The following ZSCAN25 variants were observed in gnomAD, a reference collection of about 807,000 sequenced individuals.
ZSCAN25 encodes the protein zinc finger and SCAN domain containing 25, also known as zinc finger and SCAN domain-containing protein 25.
ZSCAN25 carries 27 observed loss-of-function variants against 38.7 expected under a neutral mutation model. The observed-to-expected ratio is 0.70, with a 90% CI of 0.51 to 0.96. The LOEUF is 0.96. Ranked by LOEUF, ZSCAN25 falls within the 40% of genes least tolerant of loss-of-function variation. ZSCAN25 has a pLI of 0.00. For synonymous variants in ZSCAN25, 273 were observed against 277.7 expected, an observed-to-expected ratio of 0.98 and a Z score of 0.17; for missense variants, 637 against 705.9, an observed-to-expected ratio of 0.90 and a Z score of 1.11.
At chr7:99,627,013 A>C (rs1220066085) in intron 7 of ZSCAN25, among the ~76,000 whole-genome samples, 1 of 152,134 alleles carries the variant, frequency 6.6e-6, no homozygotes, top group Non-Finnish European at 1.5e-5. Context: ...TTATATTTTG[A>C]ACTCTTATTA....
At chr7:99,686,749 C>G in the ZSCAN25 span, among the ~76,000 whole-genome samples, 1 of 149,682 alleles carries the variant, frequency 6.7e-6, no homozygotes, top group Non-Finnish European at 1.5e-5. Flanking sequence ...AACTGGGAGG[C>G]ACCCCCCCCC....
the ZSCAN25 span, among the ~76,000 whole-genome samples, chr7:99,732,353 A>G: frequency 6.6e-6 from 1 of 152,180 alleles, no homozygotes; most frequent in South Asian, 2.1e-4. Flanking sequence ...CCATGAGCCA[A>G]TTAAATCTCT....
chr7:99,721,581 G>A, the ZSCAN25 span, among the ~76,000 whole-genome samples: 1 of 152,182 alleles, frequency 6.6e-6, no homozygotes, highest in Non-Finnish European at 1.5e-5. Flanking sequence ...GAGTCCCTGG[G>A]CCACCAAAGC....
the ZSCAN25 span, chr7:99,671,920 AACAC>A: frequency 1.4e-6 from 1 of 692,626 alleles, no homozygotes; most frequent in Admixed American, 2.1e-5. Flanking sequence ...CACACACATA[AACAC>A]ACACAAACAA....
the ZSCAN25 span, chr7:99,674,572 A>C: frequency 1.2e-6 from 2 of 1,613,656 alleles, no homozygotes; most frequent in Non-Finnish European, 1.7e-6. Context: ...CTCTGTGTCA[A>C]ATTTCCAGAG....
chr7:99,685,052 C>T, the ZSCAN25 span: 2 of 976,006 alleles, frequency 2.0e-6, no homozygotes, highest in Non-Finnish European at 3.2e-6. Flanking sequence ...ATCTTCATTT[C>T]AGGGTACTAT....
downstream of ZSCAN25, among the ~76,000 whole-genome samples, chr7:99,633,778 T>G (rs757593984): frequency 1.5e-4 from 23 of 152,208 alleles, no homozygotes; most frequent in Non-Finnish European, 3.1e-4. Context: ...TCTGCTGGAG[T>G]TATAATTTGA....
the ZSCAN25 span, among the ~76,000 whole-genome samples, chr7:99,689,253 A>T: frequency 6.6e-6 from 1 of 152,198 alleles, no homozygotes; most frequent in Admixed American, 6.5e-5. Context: ...AGATCAACAA[A>T]ATTGATAGAA....
At chr7:99,713,108 A>T in the ZSCAN25 span, among the ~76,000 whole-genome samples, 1 of 152,200 alleles carries the variant, frequency 6.6e-6, no homozygotes, top group African/African-American at 2.4e-5. Context: ...ATTGAAAGCA[A>T]TCACAAAAAT....
At chr7:99,644,474 C>G in the ZSCAN25 span, among the ~76,000 whole-genome samples, 1 of 152,052 alleles carries the variant, frequency 6.6e-6, no homozygotes, top group African/African-American at 2.4e-5. Flanking sequence ...AGTTGGGCTG[C>G]CTGAACAGCA....
chr7:99,667,852 G>A, the ZSCAN25 span, among the ~76,000 whole-genome samples: 3 of 152,250 alleles, frequency 2.0e-5, no homozygotes, highest in South Asian at 6.2e-4. Flanking sequence ...AATGATGAAG[G>A]ACTGAATGGT....
chr7:99,719,460 T>C, the ZSCAN25 span, among the ~76,000 whole-genome samples: 1 of 152,178 alleles, frequency 6.6e-6, no homozygotes, highest in Admixed American at 6.5e-5. Flanking sequence ...TCATACCTTA[T>C]ACAAAAAATA....
the ZSCAN25 span, among the ~76,000 whole-genome samples, chr7:99,690,684 A>G: frequency 6.6e-6 from 1 of 152,118 alleles, no homozygotes; most frequent in Non-Finnish European, 1.5e-5. Flanking sequence ...CAACAGACAC[A>G]TGAAAAAATG....
chr7:99,683,022 TTAAG>T, the ZSCAN25 span, among the ~76,000 whole-genome samples: 2 of 152,260 alleles, frequency 1.3e-5, no homozygotes, highest in African/African-American at 4.8e-5. Context: ...AGTGGAGTCT[TTAAG>T]TGTTTCCATA....
At chr7:99,686,972 A>G in the ZSCAN25 span, among the ~76,000 whole-genome samples, 13 of 152,360 alleles carry the variant, frequency 8.5e-5, no homozygotes, top group Admixed American at 8.5e-4. Context: ...GGGTCCTGTC[A>G]GAAGGAAAAC....
the ZSCAN25 span, among the ~76,000 whole-genome samples, chr7:99,699,017 A>G: frequency 6.6e-6 from 1 of 152,194 alleles, no homozygotes; most frequent in Non-Finnish European, 1.5e-5. Context: ...TCCACTAACC[A>G]CAGTGGAAAG....
the ZSCAN25 span, among the ~76,000 whole-genome samples, chr7:99,697,044 C>T: frequency 6.6e-6 from 1 of 152,200 alleles, no homozygotes; most frequent in Admixed American, 6.5e-5. Flanking sequence ...CCTGTAGAAC[C>T]ATGAGCCAAT....
the ZSCAN25 span, among the ~76,000 whole-genome samples, chr7:99,719,689 A>G: frequency 3.9e-5 from 6 of 152,206 alleles, no homozygotes; most frequent in Non-Finnish European, 5.9e-5. Flanking sequence ...ACTGTAGGAT[A>G]GTAGCAGGGA....
At chr7:99,651,187 T>C in the ZSCAN25 span, among the ~76,000 whole-genome samples, 2 of 152,166 alleles carry the variant, frequency 1.3e-5, no homozygotes, top group African/African-American at 4.8e-5. Context: ...TATATGGAGA[T>C]GCACGAAAAC....
Sources: gnomAD v4.1 joint callset for allele counts (sites outside exome capture counted in the v4.1 genomes callset) on GRCh38, gnomAD v4.1.1 for gene constraint, MANE v1.5 for transcripts, NCBI Gene and HGNC (gene_info 2026-07-23, HGNC 2026-07-21) for gene names.